CBLC: variants seen among roughly 807,000 people sequenced by gnomAD.
The protein encoded by CBLC is Cbl proto-oncogene C.
A neutral mutation model predicts 58.6 loss-of-function variants in CBLC; 46 were observed. The observed-to-expected ratio is 0.79, with a 90% CI of 0.62 to 1.00. The LOEUF (loss-of-function observed/expected upper bound fraction) is 1.00. CBLC is among the 50% of genes least tolerant of loss of function. The pLI, the probability that CBLC is intolerant of heterozygous loss-of-function variation, is 0.00. For missense variants in CBLC, 655 were observed against 625.8 expected (o/e 1.05, Z -0.50); for synonymous variants, 271 against 264.2 (o/e 1.03, Z -0.25).
intron 8 of CBLC, 37 bp from the exon 9 acceptor site, chr19:44,794,167 C>T (rs1968128045): frequency 6.3e-7 from 1 of 1,578,984 alleles, no homozygotes; most frequent in African/African-American, 1.4e-5. Flanking sequence ...AAAATGGCAG[C>T]TCACAAGCCC....
intron 5 of CBLC, among the ~76,000 whole-genome samples, chr19:44,785,647 C>T (rs1424070714): frequency 6.6e-6 from 1 of 151,556 alleles, no homozygotes; most frequent in Non-Finnish European, 1.5e-5. Flanking sequence ...ATTTTTTTAA[C>T]ATTTTTGGTG....
In CBLC at chr19:44,792,427, C is replaced by G. The variant is rs772036785; in HGVS notation, c.1050C>G (p.Leu350=). The G allele has an allele frequency of 6.2e-6, 10 of 1,613,616 alleles. No individual in the cohort carries two copies. The Admixed American group carries it at 1.0e-4, about 16-fold the overall frequency. ...GGGCCATGGACTCCACATTTGAGCT[C>G]TGCAAGATCTGTGCTGAGAGCAACA... ...LYWAMDSTFE[L]CKICAESNKD... The change falls in exon 7 of 11, where the codon CTC becomes CTG. Residue 350 remains leucine (L), a synonymous_variant. Coordinates refer to ENST00000647358, the MANE Select transcript of CBLC (RefSeq NM_012116.4).
chr19:44,779,697 G>A (rs958934997), intron 1 of CBLC, among the ~76,000 whole-genome samples: 2 of 151,162 alleles, frequency 1.3e-5, no homozygotes, highest in African/African-American at 4.9e-5. Flanking sequence ...GACCACAGGC[G>A]TGCACCACCA....
In CBLC at chr19:44,781,336, G is replaced by A. The variant is rs1188100658; in HGVS notation, c.630G>A (p.Glu210=). 2 of 1,611,550 alleles carry A rather than the reference G, an allele frequency of 1.2e-6. No homozygotes were observed. Among genetic ancestry groups the A allele is most frequent in the Admixed American group, 3.3e-5 (2 of 60,018 alleles). ...LTCSGHVSIF[E]FDVFTRLFQP... ...GCAGCGGGCACGTGTCCATCTTCGA[G>A]TTCGACGTCTTCACCAGGCTCTTTC... Residue 210 remains glutamate, a synonymous_variant, in exon 3 of 11, where the codon GAG becomes GAA. Transcript: ENST00000647358.
Position 44,793,470 on chromosome 19 carries a change from C to G in CBLC, c.1138-4C>G. On this transcript the variant is annotated splice_polypyrimidine_tract_variant and splice_region_variant and intron_variant, in intron 7 of 10. Transcript: ENST00000647358. ...CTGACCCTTTCCCTCCCGACCTCCC[C>G]CAGCACTCGGACAGCCAGACCTGCC... 1.2e-6 allele frequency: 2 copies of G among 1,604,504 alleles called. No individual in the cohort carries two copies. The highest frequency in any genetic ancestry group is 1.7e-6 in the Non-Finnish European group (2 of 1,176,214).
At chr19:44,790,143 C>T (rs1968010521) in intron 6 of CBLC, 52 bp downstream of exon 6, 4 of 1,417,238 alleles carry the variant, frequency 2.8e-6, no homozygotes, top group Non-Finnish European at 3.0e-6. Flanking sequence ...CTGCCACCCC[C>T]ACGTTGCCTT....
At chr19:44,792,816 C>T (rs1216443960) in intron 7 of CBLC, among the ~76,000 whole-genome samples, 2 of 152,144 alleles carry the variant, frequency 1.3e-5, no homozygotes, top group African/African-American at 4.8e-5. Context: ...TTAGCCTCGT[C>T]CCCTGGAGAA....
intron 4 of CBLC, 108 bp from the exon 5 acceptor site, chr19:44,784,156 G>A (rs943508801): frequency 2.0e-6 from 2 of 1,023,974 alleles, no homozygotes; most frequent in African/African-American, 3.2e-5. Context: ...GGAAGCTGGG[G>A]GTGAGGACCT....
Position 44,794,250 on chromosome 19 carries a change from C to G in CBLC, c.1331C>G (p.Pro444Arg), listed in dbSNP as rs773422704. The G allele has an allele frequency of 1.2e-6, 2 of 1,613,108 alleles. No homozygotes were observed. The highest frequency in any genetic ancestry group is 1.1e-5 in the South Asian group (1 of 90,962). ...TTGCCCCCACGGCCAGATCTGCCCC[C>G]CAGGAAGCCCAGAAATGCCCAGCCG... ...PPLPPRPDLP[P>R]RKPRNAQPKV... Residue 444 changes from proline (P) to arginine (R), a missense_variant, in exon 9 of 11, where the codon CCC (proline) becomes CGC (arginine). Physicochemically the swap from Pro to Arg is moderately radical, Grantham distance 103. This residue lies in a region of CBLC where 371 missense variants were observed against 370.8 expected (regional missense o/e 1.00). Coordinates refer to ENST00000647358, the MANE Select transcript of CBLC (RefSeq NM_012116.4).
At position 44,784,388 on chromosome 19, in the gene CBLC, C is replaced by A; in HGVS notation, c.904C>A (p.Gln302Lys). 1 of 1,584,392 alleles carries A rather than the reference C, an allele frequency of 6.3e-7. No individual in the cohort carries two copies. The highest frequency in any genetic ancestry group is 8.6e-7 in the Non-Finnish European group (1 of 1,156,670). The change falls in exon 5 of 11, where the codon CAG (glutamine) becomes AAG (lysine). Residue 302 changes from glutamine (Q) to lysine (K), a missense_variant. Around this residue, in one of 3 missense-constraint regions of CBLC, gnomAD observed 371 missense variants for 370.8 expected, o/e 1.00. Coordinates refer to ENST00000647358, the MANE Select transcript of CBLC (RefSeq NM_012116.4). ...KPLSQVLLEG[Q>K]KDGFYLYPDG... is the part of the protein sequence containing the mutation. ...CCTGTCCCAGGTGCTCCTGGAGGGA[C>A]AGAAGGACGGCTTGTGAGTCTCCAT...
intron 5 of CBLC, among the ~76,000 whole-genome samples, chr19:44,788,627 G>A (rs568823029): frequency 2.0e-4 from 31 of 151,690 alleles, no homozygotes; most frequent in African/African-American, 7.3e-4. Flanking sequence ...TTACAGACAC[G>A]CACCTCCATG....
At position 44,792,731 on chromosome 19, in the gene CBLC, A is replaced by T. The variant is rs577065928; in HGVS notation, c.1137+217A>T. Among the ~76,000 whole-genome samples, 31 of 152,170 alleles carry T rather than the reference A, an allele frequency of 2.0e-4. No individual in the cohort carries two copies. The South Asian group carries it at 3.9e-3, about 19-fold the overall frequency. On this transcript the variant is annotated intron_variant, in intron 7 of 10. Coordinates refer to ENST00000647358, the MANE Select transcript of CBLC (RefSeq NM_012116.4). ...CTGCCTCTGTTTCTCCCTCTCCGGC[A>T]ATGTTATCAGTGGAAAGCTCTCCTT... is the stretch of plus-strand genomic sequence containing the variant.
Position 44,777,921 on chromosome 19 carries a change from G to T in CBLC, c.-11G>T, listed in dbSNP as rs1301459100. On this transcript the variant is annotated 5_prime_UTR_variant, in exon 1 of 11. Coordinates refer to ENST00000647358, the MANE Select transcript of CBLC (RefSeq NM_012116.4). Reference sequence around the variant, plus strand: ...GCCGCACCGGTCCTTCCCGGCACACGCGAGGCTCCCATGGCTCTGGCGGTG... The same window carrying T: ...GCCGCACCGGTCCTTCCCGGCACACTCGAGGCTCCCATGGCTCTGGCGGTG... 2 of 1,555,074 alleles carry T rather than the reference G, an allele frequency of 1.3e-6. No individual in the cohort carries two copies. The highest frequency in any genetic ancestry group is 1.2e-5 in the South Asian group (1 of 85,162).
intron 2 of CBLC, 78 bp downstream of exon 2, chr19:44,781,129 T>G: frequency 1.3e-6 from 2 of 1,574,946 alleles, no homozygotes; most frequent in Non-Finnish European, 1.7e-6. Context: ...GGCCCACAGC[T>G]GCTTCTTTCC....
chr19:44,798,607 C>T (rs1213861776), intron 9 of CBLC, among the ~76,000 whole-genome samples: 1 of 152,056 alleles, frequency 6.6e-6, no homozygotes, highest in Non-Finnish European at 1.5e-5. Context: ...CCCAGCTACT[C>T]GGGAGGCTGA....
At chr19:44,780,628 A>G (rs1346037973) in intron 1 of CBLC, among the ~76,000 whole-genome samples, 4 of 150,116 alleles carry the variant, frequency 2.7e-5, no homozygotes. Flanking sequence ...GGGCGCCACC[A>G]CGCCAGGCTA....
chr19:44,781,281 T>C lies in CBLC; in HGVS notation c.575T>C (p.Leu192Pro), dbSNP rs1188155125. ...CHPVEPGCTA[L>P]ALRTTIDLTC... ...CCTGTGGAACCAGGCTGCACAGCCC[T>C]GGCCTTGCGCACCACCATTGACCTC... is the stretch of plus-strand genomic sequence containing the variant. The change falls in exon 3 of 11, where the codon CTG (leucine) becomes CCG (proline). Residue 192 changes from leucine (L) to proline (P), a missense_variant. This residue lies in a region of CBLC where 371 missense variants were observed against 370.8 expected (regional missense o/e 1.00). Coordinates refer to ENST00000647358, the MANE Select transcript of CBLC (RefSeq NM_012116.4). The C allele has an allele frequency of 1.2e-6, 2 of 1,613,774 alleles. No homozygotes were observed. The highest frequency in any genetic ancestry group is 1.1e-5 in the South Asian group (1 of 91,090).
chr19:44,797,473 A>G (rs947817774), intron 9 of CBLC, among the ~76,000 whole-genome samples: 5 of 149,400 alleles, frequency 3.3e-5, no homozygotes, highest in Non-Finnish European at 7.4e-5. Flanking sequence ...CTGGTCTTGA[A>G]CTCCTTACCT....
At position 44,781,370 on chromosome 19, in the gene CBLC, G is replaced by C. The variant is rs80168591; in HGVS notation, c.657+7G>C. On this transcript the variant is annotated splice_region_variant and intron_variant, in intron 3 of 10. Coordinates refer to ENST00000647358, the MANE Select transcript of CBLC (RefSeq NM_012116.4). Reference sequence around the variant, plus strand: ...CTTCACCAGGCTCTTTCAGGTCAGGGAAGGCCAAGGCTGGGAGCTAGACTT... The same window carrying C: ...CTTCACCAGGCTCTTTCAGGTCAGGCAAGGCCAAGGCTGGGAGCTAGACTT... The C allele has an allele frequency of 2.5e-6, 4 of 1,606,308 alleles. No homozygotes were observed. Among genetic ancestry groups the C allele is most frequent in the Admixed American group, 1.7e-5 (1 of 59,914 alleles).
Sources: gnomAD v4.1 joint callset for allele counts (sites outside exome capture counted in the v4.1 genomes callset) on GRCh38, gnomAD v4.1.1 for gene constraint, gnomAD v4.1.1 regional missense constraint, MANE v1.5 for transcripts, NCBI Gene and HGNC (gene_info 2026-07-23, HGNC 2026-07-21) for gene names.